Variants in FRMPD2 observed in about 807,000 individuals in gnomAD.
FRMPD2 encodes the protein FERM and PDZ domain-containing protein 2.
Under a neutral mutation model 140.1 loss-of-function variants are expected in FRMPD2, and 96 were observed. The ratio of observed to expected loss-of-function variants is 0.69; its 90% CI spans 0.58 to 0.81. The LOEUF (loss-of-function observed/expected upper bound fraction) is 0.81. Ranked by LOEUF, FRMPD2 falls within the 40% of genes least tolerant of loss-of-function variation. The probability of loss-of-function intolerance (pLI) is 0.00; values close to 1 mark genes in which losing one functional copy is unlikely to be tolerated. For synonymous variants in FRMPD2, 449 were observed against 547.6 expected, an observed-to-expected ratio of 0.82 and a Z score of 2.52; for missense variants, 1,240 against 1,447.4, an observed-to-expected ratio of 0.86 and a Z score of 2.32.
intron 14 of FRMPD2, among the ~76,000 whole-genome samples, chr10:48,202,460 A>G (rs1839108612): frequency 6.6e-6 from 1 of 152,194 alleles, no homozygotes; most frequent in Non-Finnish European, 1.5e-5. Context: ...CCATTAACCT[A>G]ATTTTAGATA....
chr10:48,174,321 G>A (rs1388891568), intron 24 of FRMPD2, among the ~76,000 whole-genome samples: 1 of 138,680 alleles, frequency 7.2e-6, no homozygotes, highest in African/African-American at 2.4e-5. Context: ...TGCGGGGCAG[G>A]GAATAAAGGG....
At chr10:48,158,667 ACT>A (rs1210841213) in intron 28 of FRMPD2, among the ~76,000 whole-genome samples, 2 of 147,250 alleles carry the variant, frequency 1.4e-5, no homozygotes, top group African/African-American at 2.5e-5. Context: ...TCCTGCCCTC[ACT>A]CTCTGCCCAC....
At chr10:48,245,307 G>C (rs936315395) in intron 3 of FRMPD2, among the ~76,000 whole-genome samples, 1 of 152,216 alleles carries the variant, frequency 6.6e-6, no homozygotes, top group Non-Finnish European at 1.5e-5. Context: ...ACATGAAACG[G>C]CTGCTGACCA....
At chr10:48,215,163 AT>A (rs1476382327) in intron 12 of FRMPD2, among the ~76,000 whole-genome samples, 3 of 151,988 alleles carry the variant, frequency 2.0e-5, no homozygotes, top group African/African-American at 7.3e-5. Flanking sequence ...TTTCCAAATT[AT>A]TTTTTTTCAG....
intron 12 of FRMPD2, among the ~76,000 whole-genome samples, chr10:48,217,810 C>T (rs2131894521): frequency 6.6e-6 from 1 of 152,344 alleles, no homozygotes; most frequent in South Asian, 2.1e-4. Flanking sequence ...ACCAAGGTCA[C>T]TCACAGCCCT....
intron 1 of FRMPD2, among the ~76,000 whole-genome samples, chr10:48,265,396 CA>C (rs1840661867): frequency 6.6e-6 from 1 of 152,020 alleles, no homozygotes; most frequent in Non-Finnish European, 1.5e-5. Context: ...AGCTTCTGCA[CA>C]GCAAAATAAA....
intron 10 of FRMPD2, among the ~76,000 whole-genome samples, chr10:48,225,492 G>A (rs1839701691): frequency 6.6e-6 from 1 of 152,040 alleles, no homozygotes. Context: ...CCTGCAATAA[G>A]CCCCTAGAAA....
intron 8 of FRMPD2, 84 bp downstream of exon 8, chr10:48,237,907 C>A (rs1840006835): frequency 6.6e-7 from 1 of 1,518,980 alleles, no homozygotes; most frequent in Non-Finnish European, 9.1e-7. Context: ...GAAGACCCTG[C>A]CCATTTTCAG....
At chr10:48,191,546 G>A (rs1564420284) in intron 16 of FRMPD2, among the ~76,000 whole-genome samples, 1 of 152,174 alleles carries the variant, frequency 6.6e-6, no homozygotes, top group African/African-American at 2.4e-5. Flanking sequence ...GCACGGCAAT[G>A]TACATTTGCA....
At chr10:48,159,206 AT>A (rs1368409259) in intron 28 of FRMPD2, 1 of 456,076 alleles carries the variant, frequency 2.2e-6, no homozygotes, top group African/African-American at 2.0e-5. Flanking sequence ...TGACAACTGC[AT>A]TTAGTTTTGG....
At chr10:48,260,222 G>A (rs138981243) in intron 1 of FRMPD2, among the ~76,000 whole-genome samples, 1 of 151,956 alleles carries the variant, frequency 6.6e-6, no homozygotes, top group Non-Finnish European at 1.5e-5. Context: ...TATATGTATA[G>A]ATAGATATAG....
intron 1 of FRMPD2, among the ~76,000 whole-genome samples, chr10:48,269,551 T>C (rs1477152627): frequency 1.3e-5 from 2 of 152,020 alleles, no homozygotes; most frequent in African/African-American, 4.8e-5. Flanking sequence ...CCTCCTGCAG[T>C]GATGATTGAG....
At chr10:48,216,160 G>A (rs1444372718) in intron 12 of FRMPD2, among the ~76,000 whole-genome samples, 1 of 152,156 alleles carries the variant, frequency 6.6e-6, no homozygotes, top group African/African-American at 2.4e-5. Context: ...ACAGCTTGAG[G>A]CTTCTCAGCC....
intron 10 of FRMPD2, among the ~76,000 whole-genome samples, chr10:48,225,847 G>T (rs1379379646): frequency 6.6e-6 from 1 of 152,110 alleles, no homozygotes; most frequent in Non-Finnish European, 1.5e-5. Context: ...TTCTGTCTTG[G>T]ATTTGAGCAC....
At chr10:48,160,346 G>A (rs1837902842) in intron 28 of FRMPD2, among the ~76,000 whole-genome samples, 1 of 151,688 alleles carries the variant, frequency 6.6e-6, no homozygotes, top group Non-Finnish European at 1.5e-5. Context: ...GGTGCTGGCA[G>A]CCATCTGGCT....
chr10:48,195,376 A>G (rs1324830744), intron 15 of FRMPD2, among the ~76,000 whole-genome samples: 1 of 152,260 alleles, frequency 6.6e-6, no homozygotes, highest in East Asian at 1.9e-4. Flanking sequence ...GCTTATTGAG[A>G]TAATTCACAG....
rs1276995435 is a variant in FRMPD2, at chr10:48,201,232, TA to T, written c.1949del (p.Leu650TyrfsTer13). ...GAGAATACAGCTTCTACTCACCAAA[TA>T]AAACATGGGAAGGCTGCCCAGAGCC... ...QMGSGQPSHVLFDHDKFVQMA... is the reference protein window; with the variant it reads ...QMGSGQPSHVXFDHDKFVQMA... On this transcript the variant is annotated frameshift_variant, in exon 15 of 29. Coordinates refer to ENST00000374201, the MANE Select transcript of FRMPD2 (RefSeq NM_001018071.4). LOFTEE classifies it high-confidence loss of function. 1 of 1,603,708 alleles carries T rather than the reference TA, an allele frequency of 6.2e-7. No individual in the cohort carries two copies. Among genetic ancestry groups the T allele is most frequent in the Admixed American group, 1.7e-5 (1 of 58,188 alleles).
At chr10:48,262,134 G>T (rs901756883) in intron 1 of FRMPD2, among the ~76,000 whole-genome samples, 1 of 152,010 alleles carries the variant, frequency 6.6e-6, no homozygotes, top group African/African-American at 2.4e-5. Flanking sequence ...AAATATAAAG[G>T]TCTAAGTATG....
chr10:48,161,641 T>C (rs1331085638), intron 28 of FRMPD2, among the ~76,000 whole-genome samples: 4 of 151,344 alleles, frequency 2.6e-5, no homozygotes, highest in Non-Finnish European at 1.5e-5. Flanking sequence ...AACCTTCTGA[T>C]CAGTAACTAG....
Sources: allele counts gnomAD v4.1 joint callset (sites outside exome capture counted in the v4.1 genomes callset), GRCh38; gene constraint gnomAD v4.1.1; transcripts MANE v1.5; gene names NCBI Gene and HGNC (gene_info 2026-07-23, HGNC 2026-07-21).